Variants in WFDC1 observed in about 807,000 individuals in gnomAD.
WFDC1 encodes WAP four-disulfide core domain protein 1.
WFDC1 carries 39 observed loss-of-function variants against 32.9 expected under a neutral mutation model. The ratio of observed to expected loss-of-function variants is 1.19; its 90% CI spans 0.92 to 1.55. The LOEUF is 1.55. Ranked by LOEUF, WFDC1 falls within the 40% of genes most tolerant of loss-of-function variation. The pLI is 0.00. For missense variants in WFDC1, 386 were observed against 309.5 expected, an observed-to-expected ratio of 1.25 and a Z score of -1.85; for synonymous variants, 184 against 137.4, an observed-to-expected ratio of 1.34 and a Z score of -2.37.
intron 1 of WFDC1, among the ~76,000 whole-genome samples, chr16:84,306,064 G>A (rs1030784650): frequency 6.6e-6 from 1 of 151,486 alleles, no homozygotes; most frequent in Non-Finnish European, 1.5e-5. Context: ...ATAAAAATCA[G>A]GTGAACTATG....
At chr16:84,296,456 G>A (rs1340207767) in intron 1 of WFDC1, among the ~76,000 whole-genome samples, 1 of 152,192 alleles carries the variant, frequency 6.6e-6, no homozygotes, top group East Asian at 1.9e-4. Flanking sequence ...TTCCCCAGGA[G>A]AGTCAGACAG....
intron 1 of WFDC1, chr16:84,295,459 G>A (rs1906539841): frequency 2.3e-6 from 1 of 440,030 alleles, no homozygotes; most frequent in Non-Finnish European, 4.0e-6. Flanking sequence ...TCCCTGATCA[G>A]TACCAAATGT....
intron 3 of WFDC1, 123 bp downstream of exon 3, chr16:84,318,478 T>G (rs533420489): frequency 5.6e-6 from 5 of 895,962 alleles, no homozygotes; most frequent in South Asian, 2.9e-5. Flanking sequence ...AGCCAAACAC[T>G]CAGCCCTCTT....
intron 5 of WFDC1, 22 bp downstream of exon 5, chr16:84,324,482 T>C: frequency 6.2e-7 from 1 of 1,610,538 alleles, no homozygotes; most frequent in East Asian, 2.2e-5. Context: ...AACTGTTCTT[T>C]CTTTCCAGAG....
chr16:84,305,908 C>A (rs1028245411), intron 1 of WFDC1, among the ~76,000 whole-genome samples: 1 of 152,002 alleles, frequency 6.6e-6, no homozygotes, highest in African/African-American at 2.4e-5. Context: ...GAGGCTGAAG[C>A]ATGAGAACTG....
chr16:84,303,320 A>C (rs1394763281), intron 1 of WFDC1, among the ~76,000 whole-genome samples: 1 of 152,144 alleles, frequency 6.6e-6, no homozygotes, highest in Non-Finnish European at 1.5e-5. Flanking sequence ...TTTCCAAAGA[A>C]GGGTAAAAGC....
intron 1 of WFDC1, among the ~76,000 whole-genome samples, chr16:84,301,895 C>T (rs534645008): frequency 4.1e-4 from 62 of 152,240 alleles, no homozygotes; most frequent in Admixed American, 1.1e-3. Context: ...ATCCCAGGTC[C>T]CTGTGTGGTT....
intron 2 of WFDC1, among the ~76,000 whole-genome samples, chr16:84,313,620 G>T (rs1010881267): frequency 4.6e-5 from 7 of 152,246 alleles, no homozygotes; most frequent in Admixed American, 1.3e-4. Flanking sequence ...GGATGAGGAG[G>T]TGTCCTCTAG....
chr16:84,322,160 C>CGTGTGTGTGCGT (rs1555546149), intron 4 of WFDC1, among the ~76,000 whole-genome samples: 20 of 142,286 alleles, frequency 1.4e-4, no homozygotes, highest in African/African-American at 5.0e-4. Context: ...TGTGTGTGTG[C>CGTGTGTGTGCGT]GTGTGTGTGT....
At chr16:84,324,988 TATTC>T (rs1189140110) in intron 5 of WFDC1, among the ~76,000 whole-genome samples, 1 of 152,032 alleles carries the variant, frequency 6.6e-6, no homozygotes, top group Non-Finnish European at 1.5e-5. Context: ...TTCATCCATC[TATTC>T]ATTCTTCCAT....
chr16:84,303,999 T>G (rs540507116), intron 1 of WFDC1, among the ~76,000 whole-genome samples: 5 of 152,334 alleles, frequency 3.3e-5, no homozygotes, highest in African/African-American at 7.2e-5. Context: ...GGGAAGTATG[T>G]TAACATGGTG....
chr16:84,305,835 C>G (rs1907216794), intron 1 of WFDC1, among the ~76,000 whole-genome samples: 1 of 151,988 alleles, frequency 6.6e-6, no homozygotes, highest in African/African-American at 2.4e-5. Flanking sequence ...AACCCCATCT[C>G]TACTAAAAAT....
chr16:84,302,236 A>C (rs963192487), intron 1 of WFDC1, among the ~76,000 whole-genome samples: 1 of 152,100 alleles, frequency 6.6e-6, no homozygotes, highest in Admixed American at 6.5e-5. Context: ...CTGTCTGATG[A>C]GAACAGAGGT....
intron 2 of WFDC1, among the ~76,000 whole-genome samples, chr16:84,315,323 C>T (rs151243087): frequency 4.6e-5 from 7 of 152,298 alleles, no homozygotes; most frequent in South Asian, 4.1e-4. Flanking sequence ...TTCTCTGTAG[C>T]GTAATCTGGA....
chr16:84,311,251 T>TA (rs1907598729), intron 1 of WFDC1, among the ~76,000 whole-genome samples: 1 of 149,486 alleles, frequency 6.7e-6, no homozygotes, highest in Non-Finnish European at 1.5e-5. Context: ...TACTATATCT[T>TA]TTTTTTTTTT....
At chr16:84,327,053 G>A (rs946628393) in intron 6 of WFDC1, 98 bp downstream of exon 6, 16 of 1,199,274 alleles carry the variant, frequency 1.3e-5, no homozygotes, top group African/African-American at 9.0e-5. Context: ...GAGGGTGAGA[G>A]TAGCGCTTTC....
At position 84,299,943 on chromosome 16, in the gene WFDC1, T is replaced by C. The variant is rs142647513; in HGVS notation, c.144+4828T>C. On this transcript the variant is annotated intron_variant, in intron 1 of 6. Transcript: ENST00000219454. Reference sequence around the variant, plus strand: ...TATCTGGAGGCACCCCCTGTGCTAATAGCAGTAGGGGACTGTAGGAGCCAG... The same window carrying C: ...TATCTGGAGGCACCCCCTGTGCTAACAGCAGTAGGGGACTGTAGGAGCCAG... Among the ~76,000 whole-genome samples, 4 of 152,342 alleles carry C rather than the reference T, an allele frequency of 2.6e-5. No homozygotes were observed. In the East Asian group the frequency reaches 7.7e-4, roughly 29 times the overall value.
At chr16:84,310,914 G>T (rs1907577813) in intron 1 of WFDC1, among the ~76,000 whole-genome samples, 1 of 152,170 alleles carries the variant, frequency 6.6e-6, no homozygotes, top group Admixed American at 6.5e-5. Flanking sequence ...TGAATATGTT[G>T]GGGGAGGACT....
chr16:84,329,679 G>A lies in WFDC1; in HGVS notation c.*373G>A, dbSNP rs998961838. 12 of 152,148 alleles carry A rather than the reference G, an allele frequency of 7.9e-5. No individual in the cohort carries two copies. The highest frequency in any genetic ancestry group is 2.2e-4 in the African/African-American group (9 of 41,434). 9.4% of individuals were successfully genotyped at this position (152,148 alleles called of 1,614,324 possible). A position where few individuals can be genotyped will look rare whatever the true frequency, so the allele number is the denominator to read the frequency against. On this transcript the variant is annotated 3_prime_UTR_variant, in exon 7 of 7. Transcript: ENST00000219454. ...ATTCCTCCCAAGTCTGGCTCTGGGA[G>A]GTATGTACCCATCTCAAATGTTCCC...
Sources: allele counts gnomAD v4.1 joint callset (sites outside exome capture counted in the v4.1 genomes callset), GRCh38; gene constraint gnomAD v4.1.1; transcripts MANE v1.5; gene names NCBI Gene and HGNC (gene_info 2026-07-23, HGNC 2026-07-21).